NEDD4L: variants seen among roughly 807,000 people sequenced by gnomAD.
NEDD4L encodes the protein NEDD4 like E3 ubiquitin protein ligase.
A neutral mutation model predicts 148.9 loss-of-function variants in NEDD4L; 54 were observed. The ratio of observed to expected loss-of-function variants is 0.36; its 90% CI spans 0.29 to 0.45. NEDD4L has a LOEUF of 0.45. Ranked by LOEUF, NEDD4L falls within the 20% of genes least tolerant of loss-of-function variation. The pLI is 1.00. For missense variants in NEDD4L, 856 were observed against 1,233.8 expected (o/e 0.69, Z 4.59); for synonymous variants, 433 against 440.7 (o/e 0.98, Z 0.22).
chr18:58,376,510 G>C (rs1342258932), intron 24 of NEDD4L, among the ~76,000 whole-genome samples: 1 of 152,070 alleles, frequency 6.6e-6, no homozygotes, highest in African/African-American at 2.4e-5. Context: ...GCTGCATATG[G>C]ATCTCATCTC....
chr18:58,167,014 T>A (rs777645288), intron 2 of NEDD4L, among the ~76,000 whole-genome samples: 27 of 152,252 alleles, frequency 1.8e-4, no homozygotes, highest in Non-Finnish European at 2.2e-4. Flanking sequence ...AAAGCAATTG[T>A]TAAGTTACTA....
At chr18:58,103,068 A>T (rs1423006289) in intron 1 of NEDD4L, among the ~76,000 whole-genome samples, 1 of 151,946 alleles carries the variant, frequency 6.6e-6, no homozygotes, top group Non-Finnish European at 1.5e-5. Flanking sequence ...CACAGTGAGC[A>T]TTTGGTGTCG....
At chr18:58,165,984 G>T in intron 2 of NEDD4L, 123 bp downstream of exon 2, 1 of 756,024 alleles carries the variant, frequency 1.3e-6, no homozygotes, top group Non-Finnish European at 2.2e-6. Flanking sequence ...GGCCCCACCT[G>T]CAGGGATTCT....
intron 5 of NEDD4L, among the ~76,000 whole-genome samples, chr18:58,259,317 G>A (rs993450705): frequency 5.3e-5 from 8 of 152,158 alleles, no homozygotes; most frequent in African/African-American, 1.4e-4. Flanking sequence ...GAATTCATTC[G>A]TATAGTCATC....
At chr18:58,151,158 A>G (rs1035365467) in intron 1 of NEDD4L, among the ~76,000 whole-genome samples, 1 of 152,180 alleles carries the variant, frequency 6.6e-6, no homozygotes, top group South Asian at 2.1e-4. Flanking sequence ...ATGATTCTTC[A>G]CAATATGCCT....
chr18:58,079,991 G>T (rs988070645), intron 1 of NEDD4L, among the ~76,000 whole-genome samples: 3 of 152,164 alleles, frequency 2.0e-5, no homozygotes, highest in Non-Finnish European at 4.4e-5. Context: ...GCAGTGGCAC[G>T]ATCATGGCTC....
At chr18:58,306,835 T>A (rs532699905) in intron 5 of NEDD4L, among the ~76,000 whole-genome samples, 1 of 152,272 alleles carries the variant, frequency 6.6e-6, no homozygotes, top group Non-Finnish European at 1.5e-5. Flanking sequence ...GGTTTCACCA[T>A]GTTGGCCAGG....
At chr18:58,361,609 T>C (rs1348909189) in intron 19 of NEDD4L, among the ~76,000 whole-genome samples, 2 of 152,154 alleles carry the variant, frequency 1.3e-5, no homozygotes, top group Admixed American at 1.3e-4. Flanking sequence ...TGCGCTGGTG[T>C]CACTGATGTC....
chr18:58,155,574 C>T (rs1337566981), intron 1 of NEDD4L, among the ~76,000 whole-genome samples: 1 of 152,138 alleles, frequency 6.6e-6, no homozygotes, highest in African/African-American at 2.4e-5. Context: ...AGTTAAATCT[C>T]ATAATGGACA....
At chr18:58,195,207 G>A (rs1190490440) in intron 2 of NEDD4L, among the ~76,000 whole-genome samples, 1 of 152,178 alleles carries the variant, frequency 6.6e-6, no homozygotes, top group African/African-American at 2.4e-5. Context: ...GAGGCTCCAG[G>A]GTCACCTGGG....
intron 1 of NEDD4L, among the ~76,000 whole-genome samples, chr18:58,106,250 T>C (rs2085065558): frequency 6.6e-6 from 1 of 152,188 alleles, no homozygotes; most frequent in Non-Finnish European, 1.5e-5. Context: ...GGCATTCACT[T>C]TGGGTTGTGG....
chr18:58,273,469 G>C (rs2051382155), intron 5 of NEDD4L, among the ~76,000 whole-genome samples: 1 of 152,194 alleles, frequency 6.6e-6, no homozygotes, highest in Non-Finnish European at 1.5e-5. Context: ...TTCTGTGCCA[G>C]ATATCTTGCC....
intron 2 of NEDD4L, among the ~76,000 whole-genome samples, chr18:58,214,416 G>A (rs557050830): frequency 2.2e-4 from 33 of 152,320 alleles, no homozygotes; most frequent in African/African-American, 7.5e-4. Flanking sequence ...TGTACACTCA[G>A]AGGGCCACTT....
chr18:58,090,708 C>T (rs1205035522), intron 1 of NEDD4L: 1 of 152,192 alleles, frequency 6.6e-6, no homozygotes, highest in Non-Finnish European at 1.5e-5. Flanking sequence ...GAATTCCTGA[C>T]CTCAATTGAT....
At chr18:58,103,733 A>T (rs1192066476) in intron 1 of NEDD4L, among the ~76,000 whole-genome samples, 1 of 152,246 alleles carries the variant, frequency 6.6e-6, no homozygotes, top group East Asian at 1.9e-4. Flanking sequence ...GTGAAACCAA[A>T]ACCTACATGG....
intron 2 of NEDD4L, chr18:58,221,813 T>G (rs561833758): frequency 2.0e-4 from 145 of 730,460 alleles, no homozygotes; most frequent in Non-Finnish European, 2.4e-4. Context: ...CATCTGTTCT[T>G]GGTGTGAGTT....
chr18:58,102,769 C>T (rs2084832358), intron 1 of NEDD4L, among the ~76,000 whole-genome samples: 2 of 152,068 alleles, frequency 1.3e-5, no homozygotes, highest in East Asian at 1.9e-4. Flanking sequence ...ATATGCAAAT[C>T]CTATACCATT....
chr18:58,229,749 T>G (rs1439466695), intron 2 of NEDD4L, among the ~76,000 whole-genome samples: 3 of 152,190 alleles, frequency 2.0e-5, no homozygotes, highest in African/African-American at 7.2e-5. Flanking sequence ...CCCAACACTT[T>G]GGGAGGCCGA....
chr18:58,044,675 C>T lies in NEDD4L; in HGVS notation c.15C>T (p.Leu5=), dbSNP rs2081489841. 3.7e-6 allele frequency: 6 copies of T among 1,604,128 alleles called. No homozygotes were observed. In the South Asian group the frequency reaches 6.7e-5, roughly 18 times the overall value. Residue 5 remains leucine (L), a synonymous_variant, in exon 1 of 31, where the codon CTC becomes CTT. Transcript: ENST00000400345. The part of the protein sequence containing the change: MATG[L]GEPVYGLSED... ...GCGCCGGCTCCATGGCGACCGGGCTCGGGGAGCCGGTCTATGGACTTTCCG... is the reference window on the plus strand; with the variant it reads ...GCGCCGGCTCCATGGCGACCGGGCTTGGGGAGCCGGTCTATGGACTTTCCG...
Sources: gnomAD v4.1 joint callset for allele counts (sites outside exome capture counted in the v4.1 genomes callset) on GRCh38, gnomAD v4.1.1 for gene constraint, MANE v1.5 for transcripts, NCBI Gene and HGNC (gene_info 2026-07-23, HGNC 2026-07-21) for gene names.